The following RAB22A variants were observed in gnomAD, a reference collection of about 807,000 sequenced individuals.
RAB22A encodes ras-related protein Rab-22A.
Under a neutral mutation model 30.2 loss-of-function variants are expected in RAB22A, and 13 were observed. That is an observed-to-expected ratio of 0.43 (90% confidence interval 0.28 to 0.68). The LOEUF is 0.68. Among genes scored for constraint, RAB22A ranks in the 30% least tolerant of loss-of-function variants. RAB22A has a pLI of 0.18. For synonymous variants in RAB22A, 89 were observed against 87.2 expected (o/e 1.02, Z -0.11); for missense variants, 177 against 246.8 (o/e 0.72, Z 1.89).
chr20:58,343,154 T>TC (rs1371112489), intron 2 of RAB22A, among the ~76,000 whole-genome samples: 79 of 152,246 alleles, frequency 5.2e-4, no homozygotes, highest in African/African-American at 1.8e-3. Context: ...CAGGTGGTCG[T>TC]CAGGGGCACT....
At chr20:58,332,606 A>G (rs1444057719) in intron 2 of RAB22A, among the ~76,000 whole-genome samples, 1 of 152,198 alleles carries the variant, frequency 6.6e-6, no homozygotes, top group Non-Finnish European at 1.5e-5. Flanking sequence ...TTTTTAAAAG[A>G]CATCCAAAAT....
chr20:58,350,288 G>A (rs937168032), intron 3 of RAB22A, among the ~76,000 whole-genome samples: 22 of 152,202 alleles, frequency 1.4e-4, no homozygotes, highest in African/African-American at 5.3e-4. Flanking sequence ...TATGGACAGA[G>A]TCTCAGTATC....
intron 6 of RAB22A, among the ~76,000 whole-genome samples, chr20:58,359,028 C>T (rs2122973935): frequency 6.6e-6 from 1 of 152,178 alleles, no homozygotes; most frequent in Non-Finnish European, 1.5e-5. Context: ...CCCATTTGGC[C>T]TTGGAAAGGG....
In RAB22A at chr20:58,359,608, C is replaced by T. The variant is rs766812693; in HGVS notation, c.490C>T (p.Arg164Ter). 1.9e-6 allele frequency: 3 copies of T among 1,601,036 alleles called. No homozygotes were observed. Among genetic ancestry groups the T allele is most frequent in the African/African-American group, 2.7e-5 (2 of 74,012 alleles). ...TCCCTTTTCTCATCTTGGTTTAGGT[C>T]GAAGAATTCCATCCACTGACGCCAA... ...NINELFIEISRRIPSTDANLP... is the reference protein window; with the variant it reads ...NINELFIEIS The change falls in exon 7 of 7, where the codon CGA (arginine) becomes TGA (stop). Residue 164 changes from arginine (R) to a stop codon, truncating the protein, a stop_gained and splice_region_variant. Coordinates refer to ENST00000244040, the MANE Select transcript of RAB22A (RefSeq NM_020673.3). LOFTEE classifies it high-confidence loss of function.
intron 2 of RAB22A, among the ~76,000 whole-genome samples, chr20:58,327,698 C>CA (rs1012017227): frequency 3.3e-5 from 5 of 150,874 alleles, no homozygotes; most frequent in Admixed American, 6.6e-5. Flanking sequence ...TAAGAGTATC[C>CA]AAAAAAAAGA....
intron 1 of RAB22A, 44 bp from the exon 2 acceptor site, chr20:58,310,999 A>T (rs777702750): frequency 6.6e-7 from 1 of 1,514,178 alleles, no homozygotes; most frequent in East Asian, 2.3e-5. Flanking sequence ...GGTGTCTGCC[A>T]AAAGGTAAAC....
chr20:58,345,807 G>A (rs961464049), intron 3 of RAB22A: 1 of 152,388 alleles, frequency 6.6e-6, no homozygotes, highest in African/African-American at 2.4e-5. Flanking sequence ...GCCATCCACA[G>A]CCAGGCTCTA....
intron 2 of RAB22A, among the ~76,000 whole-genome samples, chr20:58,329,476 T>G (rs1986628015): frequency 6.6e-6 from 1 of 152,260 alleles, no homozygotes. Context: ...GGCGTCATCC[T>G]CCTTCATATT....
intron 2 of RAB22A, among the ~76,000 whole-genome samples, chr20:58,335,944 T>C (rs1241538747): frequency 6.6e-6 from 1 of 152,194 alleles, no homozygotes; most frequent in East Asian, 1.9e-4. Flanking sequence ...ATCCTATCTT[T>C]GTCCAGGATC....
At chr20:58,352,253 G>A (rs1987063776) in intron 3 of RAB22A, among the ~76,000 whole-genome samples, 1 of 152,082 alleles carries the variant, frequency 6.6e-6, no homozygotes, top group African/African-American at 2.4e-5. Context: ...AAACTCATTG[G>A]ATAAGCAGTT....
intron 1 of RAB22A, 135 bp from the exon 2 acceptor site, chr20:58,310,908 T>TAAA (rs1986212360): frequency 1.4e-6 from 1 of 716,720 alleles, no homozygotes; most frequent in African/African-American, 1.8e-5. Context: ...GACAACCGCT[T>TAAA]TTGTGTTCCT....
intron 2 of RAB22A, among the ~76,000 whole-genome samples, chr20:58,327,720 T>G (rs965804377): frequency 6.6e-6 from 1 of 152,180 alleles, no homozygotes; most frequent in Non-Finnish European, 1.5e-5. Flanking sequence ...TGAATTACAT[T>G]AATTGAATTT....
intron 2 of RAB22A, among the ~76,000 whole-genome samples, chr20:58,325,433 C>T (rs1274546157): frequency 7.2e-5 from 11 of 151,982 alleles, no homozygotes; most frequent in Non-Finnish European, 1.2e-4. Context: ...GCCAAGATGG[C>T]GCCACTGCAC....
At chr20:58,349,424 T>G (rs193231044) in intron 3 of RAB22A, among the ~76,000 whole-genome samples, 112 of 152,242 alleles carry the variant, frequency 7.4e-4, no homozygotes, top group African/African-American at 2.6e-3. Context: ...AGAAAAGGGA[T>G]TCAACAAGGA....
intron 2 of RAB22A, among the ~76,000 whole-genome samples, chr20:58,312,416 A>G (rs1009355923): frequency 3.5e-5 from 5 of 142,384 alleles, no homozygotes; most frequent in Non-Finnish European, 7.5e-5. Context: ...ACACCTGGCT[A>G]AATTTTGTAT....
intron 2 of RAB22A, among the ~76,000 whole-genome samples, chr20:58,319,092 T>A (rs937810104): frequency 3.3e-5 from 5 of 152,084 alleles, no homozygotes; most frequent in African/African-American, 1.2e-4. Context: ...GGAATTAGTA[T>A]ACACACACAC....
At chr20:58,359,527 C>A in intron 6 of RAB22A, 79 bp from the exon 7 acceptor site, 2 of 777,356 alleles carry the variant, frequency 2.6e-6, no homozygotes, top group Non-Finnish European at 3.8e-6. Context: ...TCAGTGAAAC[C>A]TGTCAAATTG....
chr20:58,336,781 G>A (rs576639450), intron 2 of RAB22A, among the ~76,000 whole-genome samples: 1 of 152,268 alleles, frequency 6.6e-6, no homozygotes, highest in Non-Finnish European at 1.5e-5. Flanking sequence ...GCCTCCAGGA[G>A]ATTCTGGCTT....
chr20:58,348,953 A>G (rs1986997363), intron 3 of RAB22A, among the ~76,000 whole-genome samples: 1 of 152,332 alleles, frequency 6.6e-6, no homozygotes, highest in Non-Finnish European at 1.5e-5. Flanking sequence ...GAGTAGTTGC[A>G]GCAGAGATTA....
Sources: gnomAD v4.1 joint callset for allele counts (sites outside exome capture counted in the v4.1 genomes callset) on GRCh38, gnomAD v4.1.1 for gene constraint, MANE v1.5 for transcripts, NCBI Gene and HGNC (gene_info 2026-07-23, HGNC 2026-07-21) for gene names.